The following SLK variants were observed in gnomAD, a reference collection of about 807,000 sequenced individuals.
The protein encoded by SLK is STE20-like serine/threonine-protein kinase.
In SLK, 67 loss-of-function variants were observed where a neutral mutation model predicts 147.7. The observed-to-expected ratio is 0.45, with a 90% CI of 0.37 to 0.56. The LOEUF is 0.56. Ranked by LOEUF, SLK falls within the 20% of genes least tolerant of loss-of-function variation. SLK has a pLI of 0.00. For missense variants in SLK, 1,136 were observed against 1,438.8 expected, an observed-to-expected ratio of 0.79 and a Z score of 3.41; for synonymous variants, 441 against 475.0, an observed-to-expected ratio of 0.93 and a Z score of 0.93.
At position 104,028,350 on chromosome 10, in the gene SLK, CA is replaced by C. The variant is rs1342350564; in HGVS notation, c.*2631del. 2 of 152,270 alleles carry C rather than the reference CA, an allele frequency of 1.3e-5. No individual in the cohort carries two copies. The allele number at this position is 152,270 out of a possible 1,614,324, so 9.4% of individuals were successfully genotyped here. Reference sequence around the variant, plus strand: ...CACACTTCTGCAGATCCAGCTCCTACAGCTTGGGGCACTAGGCTGCCTTTCC... The same window carrying C: ...CACACTTCTGCAGATCCAGCTCCTACGCTTGGGGCACTAGGCTGCCTTTCC... On this transcript the variant is annotated 3_prime_UTR_variant, in exon 19 of 19. Coordinates refer to ENST00000369755, the MANE Select transcript of SLK (RefSeq NM_014720.4).
Position 104,003,500 on chromosome 10 carries a change from T to C in SLK, c.2322T>C (p.Thr774=). The C allele has an allele frequency of 6.3e-7, 1 of 1,590,074 alleles. No homozygotes were observed. The highest frequency in any genetic ancestry group is 8.6e-7 in the Non-Finnish European group (1 of 1,169,552). ...CCATCTCTAGCTTTCTAAGTAAAAC[T>C]AAAGACAGTGGATCGATATCTTTAC... is the stretch of plus-strand genomic sequence containing the variant. ...NLSISSFLSK[T]KDSGSISLQE... is the part of the protein sequence containing the mutation. The change falls in exon 9 of 19, where the codon ACT becomes ACC. Residue 774 remains threonine, a synonymous_variant. Transcript: ENST00000369755.
intron 2 of SLK, among the ~76,000 whole-genome samples, chr10:103,991,487 G>A (rs1055089277): frequency 1.3e-5 from 2 of 152,050 alleles, no homozygotes; most frequent in Non-Finnish European, 2.9e-5. Flanking sequence ...GAAGGAAGAA[G>A]CAAAGTTTTA....
intron 13 of SLK, among the ~76,000 whole-genome samples, chr10:104,016,306 A>G (rs932589827): frequency 2.8e-4 from 42 of 151,944 alleles, no homozygotes; most frequent in Non-Finnish European, 2.8e-4. Context: ...GTGACAGAGC[A>G]AGACTCTCTT....
chr10:103,974,654 C>T lies in SLK; in HGVS notation c.150+6759C>T, dbSNP rs1395459519. On this transcript the variant is annotated intron_variant, in intron 1 of 18. Transcript: ENST00000369755. ...AAAAAAAAAAAAGTTCATCTTTTGG[C>T]CTTTTTTTTTTTTTGAGATGGAGTC... The T allele has an allele frequency of 6.1e-5, 2 of 32,670 alleles. 1 individual carries two copies. The highest frequency in any genetic ancestry group is 8.2e-4 in the Admixed American group (2 of 2,430). The allele number at this position is 32,670 out of a possible 1,614,324, so 2.0% of individuals were successfully genotyped here. A position where few individuals can be genotyped will look rare whatever the true frequency, so the allele number is the denominator to read the frequency against.
At chr10:104,006,119 G>A (rs578108214) in intron 11 of SLK, 84 bp downstream of exon 11, 2 of 1,379,246 alleles carry the variant, frequency 1.5e-6, no homozygotes, top group East Asian at 2.5e-5. Context: ...AACAAAAAAG[G>A]TTGTAGAACT....
At position 103,990,800 on chromosome 10, in the gene SLK, C is replaced by T; in HGVS notation, c.276C>T (p.Val92=). 1 of 1,541,230 alleles carries T rather than the reference C, an allele frequency of 6.5e-7. No homozygotes were observed. The highest frequency in any genetic ancestry group is 8.7e-7 in the Non-Finnish European group (1 of 1,151,002). The change falls in exon 2 of 19, where the codon GTC becomes GTT. Residue 92 remains valine, a synonymous_variant. Transcript: ENST00000369755. ...CATCTTGTGATCACCCAAATATAGT[C>T]AAGCTTCTAGATGCCTTCTATTATG... ...ILASCDHPNI[V]KLLDAFYYEN... is the part of the protein sequence containing the mutation.
intron 12 of SLK, among the ~76,000 whole-genome samples, chr10:104,010,584 G>A (rs1844387051): frequency 6.6e-6 from 1 of 152,160 alleles, no homozygotes; most frequent in Non-Finnish European, 1.5e-5. Context: ...ATGATACATA[G>A]GGTTATTAAG....
At chr10:103,970,626 T>A (rs1843780789) in intron 1 of SLK, among the ~76,000 whole-genome samples, 1 of 152,202 alleles carries the variant, frequency 6.6e-6, no homozygotes, top group African/African-American at 2.4e-5. Context: ...AAAGTTTTTG[T>A]TTTTCAAGAT....
rs1174763642 is a variant in SLK at position 103,967,262 on chromosome 10, G to C, written c.-484G>C. 2 of 151,176 alleles carry C rather than the reference G, an allele frequency of 1.3e-5. No homozygotes were observed. The highest frequency in any genetic ancestry group is 1.3e-4 in the Admixed American group (2 of 15,152). 9.4% of individuals were successfully genotyped at this position (151,176 alleles called of 1,614,324 possible). On this transcript the variant is annotated 5_prime_UTR_variant, in exon 1 of 19. Coordinates refer to ENST00000369755, the MANE Select transcript of SLK (RefSeq NM_014720.4). Reference sequence around the variant, plus strand: ...GCCTTGCGCCGCGGGAGCGGACGGCGGCGGAGGAGACCCTAGGCTCGCGGC... The same window carrying C: ...GCCTTGCGCCGCGGGAGCGGACGGCCGCGGAGGAGACCCTAGGCTCGCGGC...
At chr10:103,995,515 C>G (rs1033427923) in intron 4 of SLK, among the ~76,000 whole-genome samples, 2 of 150,702 alleles carry the variant, frequency 1.3e-5, no homozygotes, top group Admixed American at 6.6e-5. Context: ...CAACCCCCAC[C>G]TCCTGGGTTC....
At chr10:104,000,078 C>T (rs1243416045) in intron 7 of SLK, 130 bp downstream of exon 7, 1 of 460,304 alleles carries the variant, frequency 2.2e-6, no homozygotes, top group Non-Finnish European at 3.9e-6. Context: ...TTAACATTTG[C>T]TTTACAAAAT....
Position 104,019,173 on chromosome 10 carries a change from G to A in SLK, c.3132+265G>A, listed in dbSNP as rs576892678. On this transcript the variant is annotated intron_variant, in intron 15 of 18. Transcript: ENST00000369755. Reference sequence around the variant, plus strand: ...GTAATCTTCATCTCGGCTCTCAAAGGTAGCTATTTTGGCTCTATTTGTGGT... The same window carrying A: ...GTAATCTTCATCTCGGCTCTCAAAGATAGCTATTTTGGCTCTATTTGTGGT... 4 of 287,078 alleles carry A rather than the reference G, an allele frequency of 1.4e-5. No individual in the cohort carries two copies. In the South Asian group the frequency reaches 1.9e-4, roughly 14 times the overall value. 17.8% of individuals were successfully genotyped at this position (287,078 alleles called of 1,614,324 possible). A position where few individuals can be genotyped will look rare whatever the true frequency, so the allele number is the denominator to read the frequency against.
At chr10:104,007,706 G>T (rs190360335) in intron 11 of SLK, among the ~76,000 whole-genome samples, 1 of 151,758 alleles carries the variant, frequency 6.6e-6, no homozygotes, top group East Asian at 1.9e-4. Flanking sequence ...CGAAGCAGGA[G>T]GATTGCTTGA....
At chr10:103,997,005 T>A (rs1205572128) in intron 4 of SLK, among the ~76,000 whole-genome samples, 2 of 152,176 alleles carry the variant, frequency 1.3e-5, no homozygotes, top group African/African-American at 4.8e-5. Context: ...TATACAACCA[T>A]TACCATCACC....
intron 1 of SLK, among the ~76,000 whole-genome samples, chr10:103,989,485 T>TTTTTTA: frequency 1.2e-5 from 1 of 83,502 alleles, no homozygotes; most frequent in East Asian, 3.7e-4. Flanking sequence ...TTTTTTTTTT[T>TTTTTTA]GGAGACAGAG....
At position 104,018,187 on chromosome 10, in the gene SLK, C is replaced by A. The variant is rs756586446; in HGVS notation, c.2905C>A (p.Gln969Lys). 6.2e-7 allele frequency: 1 copy of A among 1,605,864 alleles called. No homozygotes were observed. Among genetic ancestry groups the A allele is most frequent in the African/African-American group, 1.3e-5 (1 of 74,194 alleles). ...QEQEFVQKQQ[Q>K]ELDGSLKKII... ...ACAAGAGTTTGTTCAGAAACAACAG[C>A]AAGAATTAGATGGCTCTCTGAAAAA... The change falls in exon 14 of 19, where the codon CAA (glutamine) becomes AAA (lysine). Residue 969 changes from glutamine (Q) to lysine (K), a missense_variant. Gln to Lys is a moderately conservative substitution (Grantham distance 53). Around this residue, in one of 6 missense-constraint regions of SLK, gnomAD observed 327 missense variants for 457.5 expected, o/e 0.71. Transcript: ENST00000369755.
At position 103,974,826 on chromosome 10, in the gene SLK, A is replaced by ATTTTTTTTTT. The variant is rs749565693; in HGVS notation, c.150+6946_150+6955dup. On this transcript the variant is annotated intron_variant, in intron 1 of 18. Coordinates refer to ENST00000369755, the MANE Select transcript of SLK (RefSeq NM_014720.4). ...CTACCACGCCCGGCTAATTTTTTCT[A>ATTTTTTTTTT]TTTTTTTTTTTTTTTTTTTTTTTTA... 31 of 55,484 alleles carry ATTTTTTTTTT rather than the reference A, an allele frequency of 5.6e-4. 5 individuals carry two copies. The highest frequency in any genetic ancestry group is 3.5e-3 in the East Asian group (5 of 1,424). The allele number at this position is 55,484 out of a possible 1,614,324, so 3.4% of individuals were successfully genotyped here.
intron 1 of SLK, among the ~76,000 whole-genome samples, chr10:103,979,570 C>CT (rs1287080612): frequency 6.6e-6 from 1 of 151,746 alleles, no homozygotes; most frequent in Admixed American, 6.6e-5. Flanking sequence ...TTCTGGCCTG[C>CT]TTTTTTTTGG....
At chr10:104,016,318 C>CA (rs879554654) in intron 13 of SLK, among the ~76,000 whole-genome samples, 173 of 126,332 alleles carry the variant, frequency 1.4e-3, no homozygotes, top group South Asian at 6.2e-3. Flanking sequence ...GACTCTCTTT[C>CA]AAAAAAAAAA....
Sources: allele counts gnomAD v4.1 joint callset (sites outside exome capture counted in the v4.1 genomes callset), GRCh38; gene constraint gnomAD v4.1.1; regional missense constraint gnomAD v4.1.1; transcripts MANE v1.5; gene names NCBI Gene and HGNC (gene_info 2026-07-23, HGNC 2026-07-21).